KCNMA1: variants seen among roughly 807,000 people sequenced by gnomAD.
KCNMA1 encodes the protein potassium calcium-activated channel subfamily M alpha 1, also known as Calcium-activated potassium channel subunit alpha-1.
A neutral mutation model predicts 140.0 loss-of-function variants in KCNMA1; 29 were observed. The observed-to-expected ratio is 0.21, with a 90% CI of 0.15 to 0.28. KCNMA1 has a LOEUF of 0.28. Ranked by LOEUF, KCNMA1 falls within the 10% of genes least tolerant of loss-of-function variation. The pLI, the probability that KCNMA1 is intolerant of heterozygous loss-of-function variation, is 1.00. For missense variants in KCNMA1, 880 were observed against 1,602.2 expected, an observed-to-expected ratio of 0.55 and a Z score of 7.70; for synonymous variants, 612 against 611.9, an observed-to-expected ratio of 1.00 and a Z score of 0.00.
intron 3 of KCNMA1, among the ~76,000 whole-genome samples, chr10:77,195,032 TTTG>T (rs374704938): frequency 2.1e-4 from 32 of 152,110 alleles, no homozygotes; most frequent in South Asian, 8.3e-4. Flanking sequence ...ATCTTGAAGT[TTTG>T]TTGTTGTTGT....
chr10:77,180,499 G>A (rs536463938), intron 5 of KCNMA1, among the ~76,000 whole-genome samples: 25 of 152,214 alleles, frequency 1.6e-4, no homozygotes, highest in Middle Eastern at 3.4e-3. Flanking sequence ...GAGGAAAGAG[G>A]TTTTTTTATT....
chr10:76,883,482 G>A (rs1362497133), downstream of KCNMA1, among the ~76,000 whole-genome samples: 1 of 152,114 alleles, frequency 6.6e-6, no homozygotes, highest in Non-Finnish European at 1.5e-5. Context: ...CTGGGTAGCA[G>A]ACTTTAGGGA....
chr10:77,618,786 A>G (rs767175924), intron 1 of KCNMA1, among the ~76,000 whole-genome samples: 23 of 152,198 alleles, frequency 1.5e-4, no homozygotes, highest in Non-Finnish European at 4.4e-5. Flanking sequence ...GAATATTTAT[A>G]CCATAGGAAT....
At chr10:77,054,535 G>GA (rs1222434617) in intron 14 of KCNMA1, among the ~76,000 whole-genome samples, 1 of 151,950 alleles carries the variant, frequency 6.6e-6, no homozygotes, top group Non-Finnish European at 1.5e-5. Context: ...ACAGGGTATG[G>GA]AAAAAAGAGA....
At chr10:77,067,741 C>T (rs1257229812) in intron 14 of KCNMA1, among the ~76,000 whole-genome samples, 1 of 152,202 alleles carries the variant, frequency 6.6e-6, no homozygotes, top group East Asian at 1.9e-4. Flanking sequence ...GCAGTGGCCT[C>T]TGCTTTTGCA....
At chr10:76,989,831 A>G (rs2082265463) in intron 19 of KCNMA1, among the ~76,000 whole-genome samples, 1 of 149,312 alleles carries the variant, frequency 6.7e-6, no homozygotes, top group Non-Finnish European at 1.5e-5. Context: ...AGCACTAGTT[A>G]TGGTTAAAGT....
At chr10:77,446,816 G>A (rs891229582) in intron 1 of KCNMA1, among the ~76,000 whole-genome samples, 7 of 152,202 alleles carry the variant, frequency 4.6e-5, no homozygotes, top group Admixed American at 6.5e-5. Context: ...CTGCCCAGGC[G>A]TCCACACTGC....
intron 1 of KCNMA1, among the ~76,000 whole-genome samples, chr10:77,523,212 C>T (rs964614950): frequency 6.6e-6 from 1 of 150,382 alleles, no homozygotes; most frequent in Non-Finnish European, 1.5e-5. Flanking sequence ...TGCCCCCCCC[C>T]CTTGCAATCA....
chr10:76,901,786 C>T (rs1417859320), intron 25 of KCNMA1: 2 of 152,238 alleles, frequency 1.3e-5, no homozygotes, highest in African/African-American at 4.8e-5. Flanking sequence ...GATGGCTCTC[C>T]TTGATTTTTC....
At chr10:77,303,330 A>G (rs1290816218) in intron 2 of KCNMA1, among the ~76,000 whole-genome samples, 1 of 152,024 alleles carries the variant, frequency 6.6e-6, no homozygotes, top group East Asian at 1.9e-4. Flanking sequence ...TCACTTATGC[A>G]TTATCTCATA....
intron 2 of KCNMA1, among the ~76,000 whole-genome samples, chr10:77,326,482 G>A (rs2084265833): frequency 6.8e-6 from 1 of 147,930 alleles, no homozygotes; most frequent in Non-Finnish European, 1.5e-5. Context: ...CACAGTAAGT[G>A]CTGAAAATAG....
chr10:77,025,997 AAATAT>A (rs931977181), intron 16 of KCNMA1, among the ~76,000 whole-genome samples: 6 of 138,018 alleles, frequency 4.3e-5, no homozygotes, highest in Admixed American at 3.7e-4. Context: ...AAGAAAAAAA[AAATAT>A]ATATATATAT....
chr10:77,474,685 A>G (rs2098240291), intron 1 of KCNMA1, among the ~76,000 whole-genome samples: 1 of 152,116 alleles, frequency 6.6e-6, no homozygotes, highest in Non-Finnish European at 1.5e-5. Context: ...CAAACAACAC[A>G]GAGCCCTGGA....
intron 3 of KCNMA1, among the ~76,000 whole-genome samples, chr10:77,237,051 CTT>C (rs1175585795): frequency 6.6e-6 from 1 of 152,360 alleles, no homozygotes; most frequent in South Asian, 2.1e-4. Context: ...TAACCGATCT[CTT>C]TACTGCCTTA....
At chr10:76,974,338 T>C (rs1397622972) in intron 19 of KCNMA1, 2 of 522,688 alleles carry the variant, frequency 3.8e-6, no homozygotes, top group Non-Finnish European at 6.7e-6. Context: ...TTTTCCCTTT[T>C]GGTATTTTGC....
At chr10:77,573,417 G>A (rs1432974837) in intron 1 of KCNMA1, among the ~76,000 whole-genome samples, 1 of 152,116 alleles carries the variant, frequency 6.6e-6, no homozygotes, top group Non-Finnish European at 1.5e-5. Context: ...GGCTGGGCAG[G>A]GGTGGCCCTC....
intron 1 of KCNMA1, among the ~76,000 whole-genome samples, chr10:77,460,469 C>T (rs555840587): frequency 4.6e-5 from 7 of 152,110 alleles, no homozygotes; most frequent in East Asian, 1.9e-4. Context: ...TTAGCAAAGT[C>T]GTGGAATCAA....
intron 23 of KCNMA1, among the ~76,000 whole-genome samples, chr10:76,916,406 C>T (rs552596626): frequency 5.9e-5 from 9 of 152,314 alleles, no homozygotes; most frequent in South Asian, 4.1e-4. Context: ...ATGTCTGCCT[C>T]GTTAAGGTTT....
chr10:77,033,202 T>C (rs1233932231), intron 15 of KCNMA1, among the ~76,000 whole-genome samples: 2 of 152,044 alleles, frequency 1.3e-5, no homozygotes, highest in Non-Finnish European at 2.9e-5. Context: ...ATGGAAAAGA[T>C]TCACATTCAG....
Sources: allele counts gnomAD v4.1 joint callset (sites outside exome capture counted in the v4.1 genomes callset), GRCh38; gene constraint gnomAD v4.1.1; transcripts MANE v1.5; gene names NCBI Gene and HGNC (gene_info 2026-07-23, HGNC 2026-07-21).